LRRK2: variants seen among roughly 807,000 people sequenced by gnomAD.
LRRK2 encodes leucine rich repeat kinase 2, also known as leucine-rich repeat serine/threonine-protein kinase 2.
LRRK2 carries 203 observed loss-of-function variants against 302.6 expected under a neutral mutation model. That is an observed-to-expected ratio of 0.67 (90% CI 0.60 to 0.75). The LOEUF (loss-of-function observed/expected upper bound fraction) is 0.75, where lower values mean the gene tolerates loss of function less well. Among genes scored for constraint, LRRK2 ranks in the 30% least tolerant of loss-of-function variants. LRRK2 has a pLI of 0.00. For missense variants in LRRK2, 2,830 were observed against 2,951.0 expected (o/e 0.96, Z 0.95); for synonymous variants, 1,066 against 1,031.9 (o/e 1.03, Z -0.63).
chr12:40,294,239 A>G (rs1255667617), intron 21 of LRRK2, among the ~76,000 whole-genome samples: 8 of 151,818 alleles, frequency 5.3e-5, no homozygotes, highest in African/African-American at 1.9e-4. Flanking sequence ...TTTTTTAGAT[A>G]CCTTTATTAT....
At chr12:40,309,285 CGTGT>C (rs10650388) in intron 30 of LRRK2, 52 bp downstream of exon 30, 29 of 1,315,980 alleles carry the variant, frequency 2.2e-5, no homozygotes, top group Non-Finnish European at 2.3e-5. Flanking sequence ...TGTCTGTGTG[CGTGT>C]GTGTGTGTGT....
At chr12:40,225,861 C>G (rs1173822594) in intron 2 of LRRK2, among the ~76,000 whole-genome samples, 1 of 152,082 alleles carries the variant, frequency 6.6e-6, no homozygotes, top group African/African-American at 2.4e-5. Flanking sequence ...TAAGAAGTAA[C>G]TTTATAAAAC....
chr12:40,364,681 C>T (rs1946823159), intron 48 of LRRK2, among the ~76,000 whole-genome samples, 161 bp from the exon 49 acceptor site: 1 of 151,814 alleles, frequency 6.6e-6, no homozygotes, highest in Non-Finnish European at 1.5e-5. Flanking sequence ...GGCTCTTTGG[C>T]ATCTGTATTT....
rs1944340292 is a variant in LRRK2 at position 40,295,382 on chromosome 12, A to G, written c.2879-45A>G. ...ACTAAACTTTTACTACATGAATTTAAATTATTTGCTTATATTTCCATTGTT... is the reference window on the plus strand; with the variant it reads ...ACTAAACTTTTACTACATGAATTTAGATTATTTGCTTATATTTCCATTGTT... On this transcript the variant is annotated intron_variant, in intron 22 of 50. Transcript: ENST00000298910. 1.9e-6 allele frequency: 3 copies of G among 1,564,716 alleles called. No individual in the cohort carries two copies. The South Asian group carries it at 3.3e-5, about 17-fold the overall frequency.
intron 7 of LRRK2, among the ~76,000 whole-genome samples, chr12:40,249,318 CTT>C (rs776724212): frequency 5.8e-5 from 8 of 138,928 alleles, no homozygotes; most frequent in African/African-American, 1.6e-4. Flanking sequence ...GGTGAAATAC[CTT>C]TTTTTTTTTT....
chr12:40,360,939 A>G (rs1946685091), intron 47 of LRRK2, among the ~76,000 whole-genome samples: 1 of 152,108 alleles, frequency 6.6e-6, no homozygotes, highest in South Asian at 2.1e-4. Flanking sequence ...TTGTGCTTCC[A>G]TTGCATCTAA....
intron 18 of LRRK2, among the ~76,000 whole-genome samples, chr12:40,280,599 T>G: frequency 7.3e-6 from 1 of 137,860 alleles, no homozygotes; most frequent in Non-Finnish European, 1.6e-5. Context: ...CACTCCAGCC[T>G]AGGCAACAGA....
In LRRK2 at chr12:40,237,990, T is replaced by C; in HGVS notation, c.458T>C (p.Leu153Ser). The part of the protein sequence containing the change: ...LTSGKITLLI[L>S]DEESDIFMLI... ...ATAGGTAAAATCACCTTGCTGATAT[T>C]GGATGAAGAAAGTGATATTTTCATG... Residue 153 changes from leucine to serine, a missense_variant, in exon 5 of 51, where the codon TTG (leucine) becomes TCG (serine). By Grantham distance (145) the Leu-to-Ser change is moderately radical (BLOSUM62 -2). Transcript: ENST00000298910. 3.1e-6 allele frequency: 5 copies of C among 1,612,464 alleles called. No homozygotes were observed. Among genetic ancestry groups the C allele is most frequent in the Non-Finnish European group, 4.2e-6 (5 of 1,178,874 alleles).
In LRRK2 at chr12:40,298,506, T is replaced by A; in HGVS notation, c.3347+13T>A. 1 of 1,613,654 alleles carries A rather than the reference T, an allele frequency of 6.2e-7. No individual in the cohort carries two copies. The highest frequency in any genetic ancestry group is 1.1e-5 in the South Asian group (1 of 91,078). Reference sequence around the variant, plus strand: ...TCATTTTAGAAGGGTAAGAAAGAGCTCATTAAAAATAAAAGGGTTGCCTAA... The same window carrying A: ...TCATTTTAGAAGGGTAAGAAAGAGCACATTAAAAATAAAAGGGTTGCCTAA... On this transcript the variant is annotated intron_variant, in intron 24 of 50. Coordinates refer to ENST00000298910, the MANE Select transcript of LRRK2 (RefSeq NM_198578.4).
At position 40,278,024 on chromosome 12, in the gene LRRK2, G is replaced by A. The variant is rs774056623; in HGVS notation, c.2070+8G>A. On this transcript the variant is annotated splice_region_variant and intron_variant, in intron 17 of 50. Transcript: ENST00000298910. Reference sequence around the variant, plus strand: ...GAACAAAAGGATCAACAGGTACAGTGTTTTTCACTTGCATCCTAAATGTTA... The same window carrying A: ...GAACAAAAGGATCAACAGGTACAGTATTTTTCACTTGCATCCTAAATGTTA... 1 of 1,613,720 alleles carries A rather than the reference G, an allele frequency of 6.2e-7. No homozygotes were observed. The highest frequency in any genetic ancestry group is 1.7e-5 in the Admixed American group (1 of 60,020).
chr12:40,334,730 G>A (rs1411531912), intron 39 of LRRK2, among the ~76,000 whole-genome samples: 1 of 152,080 alleles, frequency 6.6e-6, no homozygotes, highest in Non-Finnish European at 1.5e-5. Context: ...GAAAATTTAT[G>A]TATATGTGGA....
intron 39 of LRRK2, among the ~76,000 whole-genome samples, chr12:40,329,015 C>A (rs1269163964): frequency 1.3e-5 from 2 of 152,094 alleles, no homozygotes; most frequent in African/African-American, 4.8e-5. Context: ...TCTGTGTGTT[C>A]AGGGTGAAAG....
intron 13 of LRRK2, among the ~76,000 whole-genome samples, chr12:40,261,315 T>G (rs1280372184): frequency 6.6e-6 from 1 of 152,142 alleles, no homozygotes. Flanking sequence ...ACCGTTTCTG[T>G]TAGTTAATAA....
At chr12:40,234,354 G>A (rs190740927) in intron 3 of LRRK2, among the ~76,000 whole-genome samples, 42 of 128,812 alleles carry the variant, frequency 3.3e-4, no homozygotes, top group African/African-American at 1.2e-3. Flanking sequence ...AAACATTATT[G>A]ATATGCTAAA....
At chr12:40,346,676 T>C in intron 41 of LRRK2, 77 bp from the exon 42 acceptor site, 1 of 1,334,764 alleles carries the variant, frequency 7.5e-7, no homozygotes, top group Non-Finnish European at 1.1e-6. Context: ...ATTTGGCATA[T>C]AGCCTAAGTG....
chr12:40,245,143 T>A (rs1333359572), intron 7 of LRRK2, among the ~76,000 whole-genome samples: 1 of 152,068 alleles, frequency 6.6e-6, no homozygotes, highest in Non-Finnish European at 1.5e-5. Flanking sequence ...GTTTAAGAAA[T>A]CTTAATCTGT....
intron 42 of LRRK2, among the ~76,000 whole-genome samples, chr12:40,347,295 C>T (rs188762442): frequency 1.7e-3 from 264 of 152,240 alleles, no homozygotes; most frequent in Non-Finnish European, 2.2e-3. Flanking sequence ...GAATGGAAGA[C>T]TGAATGATCT....
Position 40,305,769 on chromosome 12 carries a change from T to C in LRRK2, c.3778-16T>C. On this transcript the variant is annotated splice_polypyrimidine_tract_variant and intron_variant, in intron 27 of 50. Coordinates refer to ENST00000298910, the MANE Select transcript of LRRK2 (RefSeq NM_198578.4). ...CCTTCCCACCAACAGGTTTTGCCCT[T>C]TTTTTTCCCATTAAGATTCCTCCTG... 6.2e-7 allele frequency: 1 copy of C among 1,612,866 alleles called. No individual in the cohort carries two copies. Among genetic ancestry groups the C allele is most frequent in the Non-Finnish European group, 8.5e-7 (1 of 1,179,454 alleles).
chr12:40,299,192 T>A lies in LRRK2; in HGVS notation c.3431T>A (p.Leu1144Gln), dbSNP rs200204158. 1 of 1,613,594 alleles carries A rather than the reference T, an allele frequency of 6.2e-7. No individual in the cohort carries two copies. The highest frequency in any genetic ancestry group is 1.7e-5 in the Admixed American group (1 of 59,940). Residue 1144 changes from leucine (L) to glutamine (Q), a missense_variant, in exon 25 of 51, where the codon CTA (leucine) becomes CAA (glutamine). By Grantham distance (113) the Leu-to-Gln change is moderately radical (BLOSUM62 -2). Around this residue, in one of 3 missense-constraint regions of LRRK2, gnomAD observed 2,121 missense variants for 2,148.0 expected, o/e 0.99. Transcript: ENST00000298910. Reference protein sequence around the residue: ...LNLSKNHISSLSENFLEACPK... With the variant: ...LNLSKNHISSQSENFLEACPK... Reference sequence around the variant, plus strand: ...CTTAGTAAGAACCACATTTCATCCCTATCAGAGAACTTTCTTGAGGCTTGT... The same window carrying A: ...CTTAGTAAGAACCACATTTCATCCCAATCAGAGAACTTTCTTGAGGCTTGT...
Sources: gnomAD v4.1 joint callset for allele counts (sites outside exome capture counted in the v4.1 genomes callset) on GRCh38, gnomAD v4.1.1 for gene constraint, gnomAD v4.1.1 regional missense constraint, MANE v1.5 for transcripts, NCBI Gene and HGNC (gene_info 2026-07-23, HGNC 2026-07-21) for gene names.